Variants in IMMP2L observed in about 807,000 individuals in gnomAD.
The protein encoded by IMMP2L is inner mitochondrial membrane peptidase subunit 2.
In IMMP2L, 18 loss-of-function variants were observed where a neutral mutation model predicts 19.3. The observed-to-expected ratio is 0.93, with a 90% CI of 0.64 to 1.38. The LOEUF (loss-of-function observed/expected upper bound fraction) is 1.38, where lower values mean the gene tolerates loss of function less well. Ranked by LOEUF, IMMP2L falls within the 40% of genes most tolerant of loss-of-function variation. The pLI, the probability that IMMP2L is intolerant of heterozygous loss-of-function variation, is 0.00. For missense variants in IMMP2L, 233 were observed against 218.2 expected, an observed-to-expected ratio of 1.07 and a Z score of -0.43; for synonymous variants, 76 against 73.0, an observed-to-expected ratio of 1.04 and a Z score of -0.21.
chr7:110,863,518 T>A (rs1807666596), intron 5 of IMMP2L, among the ~76,000 whole-genome samples: 3 of 152,110 alleles, frequency 2.0e-5, no homozygotes, highest in Admixed American at 1.3e-4. Context: ...ATGCATTCAG[T>A]AGAAACTGTA....
At chr7:111,121,461 CA>C (rs1020005159) in intron 3 of IMMP2L, among the ~76,000 whole-genome samples, 1 of 152,036 alleles carries the variant, frequency 6.6e-6, no homozygotes, top group Admixed American at 6.6e-5. Context: ...TTTATGCAGC[CA>C]AAAGACACAT....
At chr7:110,770,989 A>C (rs927821612) in intron 5 of IMMP2L, among the ~76,000 whole-genome samples, 16 of 152,106 alleles carry the variant, frequency 1.1e-4, no homozygotes, top group Admixed American at 7.9e-4. Context: ...CACAGGGTCT[A>C]TCAGGGATAC....
intron 3 of IMMP2L, chr7:111,391,851 G>T (rs1312260638): frequency 2.8e-6 from 2 of 702,416 alleles, no homozygotes; most frequent in Non-Finnish European, 5.2e-6. Context: ...TCTTTCAGTT[G>T]CCTCCACTCT....
intron 5 of IMMP2L, among the ~76,000 whole-genome samples, chr7:110,683,055 T>A (rs1432596192): frequency 1.3e-5 from 2 of 152,042 alleles, no homozygotes; most frequent in Non-Finnish European, 2.9e-5. Context: ...ATACATCAGA[T>A]AAGATGAGTG....
At chr7:111,041,451 T>C (rs1246484234) in intron 3 of IMMP2L, among the ~76,000 whole-genome samples, 1 of 152,020 alleles carries the variant, frequency 6.6e-6, no homozygotes, top group African/African-American at 2.4e-5. Flanking sequence ...AATGATCTCT[T>C]AACTGCCAGA....
At chr7:111,424,575 G>A (rs1835891925) in intron 3 of IMMP2L, among the ~76,000 whole-genome samples, 1 of 151,666 alleles carries the variant, frequency 6.6e-6, no homozygotes, top group Non-Finnish European at 1.5e-5. Context: ...AATAACAGCT[G>A]GGATTCATTA....
At chr7:111,485,360 G>A (rs1360735136) in intron 3 of IMMP2L, among the ~76,000 whole-genome samples, 2 of 152,000 alleles carry the variant, frequency 1.3e-5, no homozygotes, top group African/African-American at 4.8e-5. Flanking sequence ...AGCACTTTGG[G>A]AGGCCGAGGT....
At chr7:110,826,175 A>C (rs554641748) in intron 5 of IMMP2L, among the ~76,000 whole-genome samples, 1 of 152,334 alleles carries the variant, frequency 6.6e-6, no homozygotes, top group African/African-American at 2.4e-5. Context: ...ATCATTAAAA[A>C]GTCAGGAAAC....
intron 3 of IMMP2L, among the ~76,000 whole-genome samples, chr7:111,149,556 T>C (rs557633529): frequency 5.3e-5 from 8 of 152,322 alleles, no homozygotes; most frequent in Non-Finnish European, 8.8e-5. Flanking sequence ...TTTTATACAT[T>C]CATGACATAC....
chr7:111,460,448 G>A (rs1225537377), intron 3 of IMMP2L, among the ~76,000 whole-genome samples: 2 of 151,580 alleles, frequency 1.3e-5, no homozygotes, highest in East Asian at 3.9e-4. Context: ...TAGAAAGAAA[G>A]AACAAAAGAG....
intron 3 of IMMP2L, among the ~76,000 whole-genome samples, chr7:111,266,654 A>C (rs1301180942): frequency 6.6e-6 from 1 of 152,078 alleles, no homozygotes; most frequent in Non-Finnish European, 1.5e-5. Flanking sequence ...CTCATCTATA[A>C]AATTGAGGCC....
At chr7:111,120,217 C>T (rs924665798) in intron 3 of IMMP2L, among the ~76,000 whole-genome samples, 2 of 152,080 alleles carry the variant, frequency 1.3e-5, no homozygotes, top group Admixed American at 1.3e-4. Flanking sequence ...TTAATCCGTT[C>T]TCATGCTGCT....
At chr7:111,024,853 T>C (rs1287248301) in intron 3 of IMMP2L, among the ~76,000 whole-genome samples, 2 of 152,210 alleles carry the variant, frequency 1.3e-5, no homozygotes, top group Admixed American at 1.3e-4. Context: ...TTTTTACTTG[T>C]CTTTCAAATT....
At chr7:111,459,964 G>T (rs1203822699) in intron 3 of IMMP2L, among the ~76,000 whole-genome samples, 1 of 152,084 alleles carries the variant, frequency 6.6e-6, no homozygotes, top group Non-Finnish European at 1.5e-5. Flanking sequence ...TTTGAATAAA[G>T]TTATCTTAGA....
intron 4 of IMMP2L, among the ~76,000 whole-genome samples, chr7:110,939,253 G>A (rs1348268192): frequency 6.6e-6 from 1 of 152,022 alleles, no homozygotes; most frequent in East Asian, 1.9e-4. Context: ...ACAAATTACC[G>A]ATCCCTGGGC....
At chr7:110,795,251 A>C (rs961654151) in intron 5 of IMMP2L, among the ~76,000 whole-genome samples, 1 of 152,040 alleles carries the variant, frequency 6.6e-6, no homozygotes, top group Non-Finnish European at 1.5e-5. Context: ...ACTGGCCACT[A>C]CCAAACCAAG....
intron 3 of IMMP2L, among the ~76,000 whole-genome samples, chr7:111,476,146 A>G (rs1360545106): frequency 6.6e-6 from 1 of 152,154 alleles, no homozygotes; most frequent in Non-Finnish European, 1.5e-5. Flanking sequence ...CAATTGATCC[A>G]AGGAACAGTT....
rs1177515509 is a variant in IMMP2L, at chr7:111,213,078, G to A, written c.240-249513C>T. Among the ~76,000 whole-genome samples, 1 of 152,226 alleles carries A rather than the reference G, an allele frequency of 6.6e-6. No individual in the cohort carries two copies. The highest frequency in any genetic ancestry group is 2.4e-5 in the African/African-American group (1 of 41,464). ...CACAGCTGCAGCCACCCAAGTGGCG[G>A]CTCCAAACCCAGGCATTTCTACACT... On this transcript the variant is annotated intron_variant, in intron 3 of 5. Coordinates refer to ENST00000405709, the MANE Select transcript of IMMP2L (RefSeq NM_032549.4). This position sits in a 1 kb window ranked among gnomAD's most constrained non-coding sequence, Gnocchi z 4.8.
At chr7:110,774,878 AT>A (rs1410235210) in intron 5 of IMMP2L, among the ~76,000 whole-genome samples, 1 of 152,098 alleles carries the variant, frequency 6.6e-6, no homozygotes, top group African/African-American at 2.4e-5. Flanking sequence ...GACTGTACTT[AT>A]GTGTAGAAAT....
Sources: gnomAD v4.1 joint callset for allele counts (sites outside exome capture counted in the v4.1 genomes callset) on GRCh38, gnomAD v4.1.1 for gene constraint, Gnocchi (gnomAD v3.1) non-coding constraint, MANE v1.5 for transcripts, NCBI Gene and HGNC (gene_info 2026-07-23, HGNC 2026-07-21) for gene names.